The following EYS variants were observed in gnomAD, a reference collection of about 807,000 sequenced individuals.
The protein encoded by EYS is protein eyes shut homolog.
In EYS, 250 loss-of-function variants were observed where a neutral mutation model predicts 282.1. The observed-to-expected ratio is 0.89, with a 90% CI of 0.80 to 0.98. EYS has a LOEUF of 0.98. Ranked by LOEUF, EYS falls within the 50% of genes least tolerant of loss-of-function variation. The pLI is 0.00. For synonymous variants in EYS, 1,355 were observed against 1,282.9 expected (o/e 1.06, Z -1.20); for missense variants, 4,016 against 3,709.0 (o/e 1.08, Z -2.15).
At chr6:64,748,157 G>A (rs1264578427) in intron 22 of EYS, among the ~76,000 whole-genome samples, 1 of 152,112 alleles carries the variant, frequency 6.6e-6, no homozygotes, top group Non-Finnish European at 1.5e-5. Flanking sequence ...CATTATTCAG[G>A]GTAACTTTTG....
At chr6:63,929,882 T>G (rs1437088589) in intron 35 of EYS, among the ~76,000 whole-genome samples, 1 of 152,210 alleles carries the variant, frequency 6.6e-6, no homozygotes, top group East Asian at 1.9e-4. Flanking sequence ...TTTAGTTCAT[T>G]TAAACTACTC....
At chr6:65,596,447 T>C (rs2149787497) in intron 2 of EYS, among the ~76,000 whole-genome samples, 1 of 152,202 alleles carries the variant, frequency 6.6e-6, no homozygotes, top group Non-Finnish European at 1.5e-5. Context: ...AACAAAGGCC[T>C]ACATTACTGA....
intron 2 of EYS, among the ~76,000 whole-genome samples, chr6:65,604,805 G>A (rs1467405952): frequency 6.7e-6 from 1 of 149,844 alleles, no homozygotes; most frequent in Admixed American, 6.7e-5. Context: ...GTAGATCAAT[G>A]ATGTTCATTG....
At chr6:64,456,783 T>C (rs370054141) in intron 26 of EYS, among the ~76,000 whole-genome samples, 2 of 152,026 alleles carry the variant, frequency 1.3e-5, no homozygotes, top group Non-Finnish European at 2.9e-5. Flanking sequence ...GATTCCACTG[T>C]GGTACATAAA....
intron 12 of EYS, among the ~76,000 whole-genome samples, chr6:65,084,229 T>C (rs1228758972): frequency 6.6e-6 from 1 of 152,136 alleles, no homozygotes; most frequent in African/African-American, 2.4e-5. Context: ...TCTTTTTCAC[T>C]GTAAAGCCAG....
rs866661470 is a variant in EYS, at chr6:65,326,885, A to G, written c.1766+8095T>C. ...TATTGGAAATCTATACATTTCTTAC[A>G]AAGATTTGTCAGTAGACCACAAAAT... is the stretch of plus-strand genomic sequence containing the variant. On this transcript the variant is annotated intron_variant, in intron 11 of 42. Coordinates refer to ENST00000503581, the MANE Select transcript of EYS (RefSeq NM_001142800.2). Among the ~76,000 whole-genome samples the G allele has an allele frequency of 7.9e-5, 12 of 151,654 alleles. 1 individual carries two copies. The highest frequency in any genetic ancestry group is 2.4e-4 in the African/African-American group (10 of 41,436).
rs201498090 is a variant in EYS, at chr6:64,372,130, G to GTTTTTTT, written c.6078+16553_6078+16559dup. ...TAGCATCACTGGTCTGTATACTTGT[G>GTTTTTTT]TTTTTTTTTTTTTTTTTTTTTTTTT... On this transcript the variant is annotated intron_variant, in intron 29 of 42. Coordinates refer to ENST00000503581, the MANE Select transcript of EYS (RefSeq NM_001142800.2). 1.5e-3 allele frequency among the ~76,000 whole-genome samples: 150 copies of GTTTTTTT among 97,672 alleles called. 4 individuals are homozygous for GTTTTTTT. The highest frequency in any genetic ancestry group is 2.7e-3 in the East Asian group (8 of 2,916). 64.1% of individuals were successfully genotyped at this position (97,672 alleles called of 152,430 possible). A position where few individuals can be genotyped will look rare whatever the true frequency, so the allele number is the denominator to read the frequency against.
intron 33 of EYS, among the ~76,000 whole-genome samples, chr6:64,029,112 G>A (rs1769686700): frequency 6.6e-6 from 1 of 152,176 alleles, no homozygotes; most frequent in East Asian, 1.9e-4. Context: ...AGTAGAATGG[G>A]AACCAGAGGC....
chr6:64,618,461 T>C (rs530173405), intron 23 of EYS, among the ~76,000 whole-genome samples: 1 of 152,314 alleles, frequency 6.6e-6, no homozygotes, highest in East Asian at 1.9e-4. Context: ...ACTTTTTAAC[T>C]TTTCTTTATT....
chr6:64,543,735 G>C (rs1209893746), intron 26 of EYS, among the ~76,000 whole-genome samples: 1 of 152,110 alleles, frequency 6.6e-6, no homozygotes, highest in Admixed American at 6.6e-5. Flanking sequence ...ATTGAACTTT[G>C]AGGTCCAGAG....
rs1333472588 is a variant in EYS at position 64,590,441 on chromosome 6, G to T, written c.5426C>A (p.Ser1809Tyr). Residue 1809 changes from serine to tyrosine, a missense_variant, in exon 26 of 43, where the codon TCC becomes TAC. Transcript: ENST00000503581. Reference sequence around the variant, plus strand: ...CCAATCTGGCCTAATTACAGACATGGAGGAAGACGTCTGTATTGAAAGTGC... The same window carrying T: ...CCAATCTGGCCTAATTACAGACATGTAGGAAGACGTCTGTATTGAAAGTGC... ...TPALSIQTSS[S>Y]MSVIRPDWPY... The T allele has an allele frequency of 2.3e-5, 36 of 1,551,042 alleles. No individual in the cohort carries two copies. Among genetic ancestry groups the T allele is most frequent in the Non-Finnish European group, 3.1e-5 (36 of 1,146,586 alleles).
At chr6:64,558,059 T>C (rs57215841) in intron 26 of EYS, among the ~76,000 whole-genome samples, 4,604 of 152,156 alleles carry the variant, frequency 0.03, 153 homozygotes, top group East Asian at 0.11. Flanking sequence ...TAGTATAGGA[T>C]AAAAGGAAAG....
intron 26 of EYS, among the ~76,000 whole-genome samples, chr6:64,538,590 C>A (rs1582869195): frequency 6.6e-6 from 1 of 152,204 alleles, no homozygotes; most frequent in East Asian, 1.9e-4. Context: ...TATTATCCTG[C>A]TATAGTACAG....
intron 12 of EYS, among the ~76,000 whole-genome samples, chr6:65,095,147 T>C (rs1018960353): frequency 9.3e-5 from 14 of 151,206 alleles, no homozygotes; most frequent in Admixed American, 2.0e-4. Context: ...AAAAAAGAGA[T>C]AGCCTGATTA....
intron 16 of EYS, among the ~76,000 whole-genome samples, chr6:64,909,883 T>C (rs1204186773): frequency 6.6e-6 from 1 of 152,180 alleles, no homozygotes; most frequent in Admixed American, 6.5e-5. Context: ...TTCTACTTGC[T>C]GGTCCTTCAG....
chr6:64,296,573 TA>T, intron 30 of EYS, among the ~76,000 whole-genome samples: 211 of 7,886 alleles, frequency 0.027, 9 homozygotes, highest in African/African-American at 0.095. Flanking sequence ...TATATATATA[TA>T]TATATATATA....
chr6:65,646,231 C>G (rs753941457), intron 1 of EYS, among the ~76,000 whole-genome samples: 4 of 151,876 alleles, frequency 2.6e-5, no homozygotes, highest in Non-Finnish European at 5.9e-5. Flanking sequence ...ACAACTACAA[C>G]AAGAACAAAA....
intron 22 of EYS, among the ~76,000 whole-genome samples, chr6:64,707,396 A>G (rs75760767): frequency 0.34 from 51,896 of 151,676 alleles, 9,338 homozygotes; most frequent in Middle Eastern, 0.42. Flanking sequence ...GGGGCCAGGC[A>G]TGGTGGCTCA....
At chr6:64,211,076 T>G (rs927316111) in intron 31 of EYS, among the ~76,000 whole-genome samples, 7 of 152,144 alleles carry the variant, frequency 4.6e-5, no homozygotes, top group Non-Finnish European at 8.8e-5. Context: ...GGATTTGAAC[T>G]GAGTGTCTTG....
Sources: gnomAD v4.1 joint callset for allele counts (sites outside exome capture counted in the v4.1 genomes callset) on GRCh38, gnomAD v4.1.1 for gene constraint, MANE v1.5 for transcripts, NCBI Gene and HGNC (gene_info 2026-07-23, HGNC 2026-07-21) for gene names.